FOXN3: variants seen among roughly 807,000 people sequenced by gnomAD.
The protein encoded by FOXN3 is forkhead box protein N3.
Under a neutral mutation model 38.4 loss-of-function variants are expected in FOXN3, and 7 were observed. The ratio of observed to expected loss-of-function variants is 0.18; its 90% CI spans 0.10 to 0.34. FOXN3 has a LOEUF of 0.34. Ranked by LOEUF, FOXN3 falls within the 10% of genes least tolerant of loss-of-function variation. The probability of loss-of-function intolerance (pLI) is 1.00; values close to 1 mark genes in which losing one functional copy is unlikely to be tolerated. For missense variants in FOXN3, 456 were observed against 613.4 expected, an observed-to-expected ratio of 0.74 and a Z score of 2.71; for synonymous variants, 230 against 242.2, an observed-to-expected ratio of 0.95 and a Z score of 0.47.
In FOXN3 at chr14:89,453,933, T is replaced by G. The variant is rs544534069; in HGVS notation, c.-14-41443A>C. 2.0e-5 allele frequency among the ~76,000 whole-genome samples: 3 copies of G among 152,302 alleles called. No individual in the cohort carries two copies. The South Asian group carries it at 6.2e-4, about 32-fold the overall frequency. Reference sequence around the variant, plus strand: ...ATGTGAGATGATTTGGAGGAGGGGCTTCTGGGAGATAATTAGGTTTATAAA... The same window carrying G: ...ATGTGAGATGATTTGGAGGAGGGGCGTCTGGGAGATAATTAGGTTTATAAA... On this transcript the variant is annotated intron_variant, in intron 1 of 6. Coordinates refer to the FOXN3 transcript ENST00000345097.
At chr14:89,358,163 T>C (rs891399162) in intron 2 of FOXN3, among the ~76,000 whole-genome samples, 1 of 152,236 alleles carries the variant, frequency 6.6e-6, no homozygotes, top group Non-Finnish European at 1.5e-5. Flanking sequence ...TCTGCCATCA[T>C]AGCACAAAAG....
chr14:89,298,204 T>A (rs1258615053), intron 3 of FOXN3, among the ~76,000 whole-genome samples: 1 of 152,128 alleles, frequency 6.6e-6, no homozygotes, highest in East Asian at 1.9e-4. Flanking sequence ...AAACACTGTA[T>A]GACTCCACTT....
chr14:89,434,364 A>G (rs1892230808), intron 1 of FOXN3, among the ~76,000 whole-genome samples: 1 of 151,340 alleles, frequency 6.6e-6, no homozygotes, highest in Non-Finnish European at 1.5e-5. Flanking sequence ...AGTAGCTGGG[A>G]TTACAGGTGC....
chr14:89,403,934 CA>C (rs1344157310), intron 2 of FOXN3, among the ~76,000 whole-genome samples: 1 of 152,166 alleles, frequency 6.6e-6, no homozygotes, highest in East Asian at 1.9e-4. Flanking sequence ...AAAGGGCATA[CA>C]GCAGTGGAGT....
intron 4 of FOXN3, among the ~76,000 whole-genome samples, chr14:89,252,370 A>T (rs1409393515): frequency 1.3e-5 from 2 of 152,136 alleles, no homozygotes; most frequent in African/African-American, 4.8e-5. Flanking sequence ...AAATCAGGAA[A>T]TTGGCTGGGT....
intron 1 of FOXN3, among the ~76,000 whole-genome samples, chr14:89,561,664 G>T (rs937865762): frequency 2.0e-5 from 3 of 152,214 alleles, no homozygotes; most frequent in African/African-American, 7.2e-5. Flanking sequence ...TTTACCTTTA[G>T]GTTGGTGTGA....
intron 4 of FOXN3, among the ~76,000 whole-genome samples, chr14:89,187,772 G>C (rs1887845588): frequency 6.6e-6 from 1 of 152,118 alleles, no homozygotes; most frequent in African/African-American, 2.4e-5. Context: ...GGGAGGATGG[G>C]CCAGCTGGCT....
intron 1 of FOXN3, among the ~76,000 whole-genome samples, chr14:89,492,020 C>A (rs8017328): frequency 0.076 from 11,581 of 152,140 alleles, 1,346 homozygotes; most frequent in African/African-American, 0.25. Flanking sequence ...TGATGAAAAA[C>A]ATACACAAAC....
At chr14:89,565,160 G>A (rs1473018269) in intron 1 of FOXN3, among the ~76,000 whole-genome samples, 1 of 150,304 alleles carries the variant, frequency 6.7e-6, no homozygotes, top group Non-Finnish European at 1.5e-5. Flanking sequence ...AGAACACCCC[G>A]TGATGATGGA....
intron 4 of FOXN3, among the ~76,000 whole-genome samples, chr14:89,197,503 CA>C (rs5810450): frequency 9.2e-4 from 133 of 143,896 alleles, no homozygotes; most frequent in Non-Finnish European, 1.1e-3. Context: ...AAGACTGTGT[CA>C]AAAAAAAAAA....
intron 1 of FOXN3, among the ~76,000 whole-genome samples, chr14:89,506,064 G>A (rs1161012357): frequency 6.9e-6 from 1 of 143,972 alleles, no homozygotes; most frequent in African/African-American, 2.6e-5. Flanking sequence ...CCGTCCAGAA[G>A]GGAGGTGGGG....
chr14:89,358,346 G>T (rs1323281881), intron 2 of FOXN3, among the ~76,000 whole-genome samples: 1 of 152,206 alleles, frequency 6.6e-6, no homozygotes, highest in Non-Finnish European at 1.5e-5. Flanking sequence ...GAGTTTTCAG[G>T]GTTAAGGGAT....
chr14:89,186,392 A>G (rs1887809143), intron 4 of FOXN3, among the ~76,000 whole-genome samples: 1 of 152,114 alleles, frequency 6.6e-6, no homozygotes, highest in African/African-American at 2.4e-5. Context: ...AAGCCTTTGA[A>G]GATGAGTAAT....
At chr14:89,356,240 T>A (rs1204739912) in intron 2 of FOXN3, 1 of 151,324 alleles carries the variant, frequency 6.6e-6, no homozygotes, top group East Asian at 1.9e-4. Context: ...TCTACAAAAA[T>A]ACAAAAATTA....
chr14:89,174,109 T>C (rs1212026245), intron 5 of FOXN3, among the ~76,000 whole-genome samples: 2 of 152,184 alleles, frequency 1.3e-5, no homozygotes, highest in African/African-American at 2.4e-5. Flanking sequence ...TAATACAAGT[T>C]GCATAAAATA....
intron 1 of FOXN3, among the ~76,000 whole-genome samples, chr14:89,483,571 G>C (rs933937647): frequency 6.6e-6 from 1 of 152,150 alleles, no homozygotes; most frequent in Non-Finnish European, 1.5e-5. Flanking sequence ...ATCACACCCA[G>C]CTAATTTTTG....
chr14:89,440,969 G>C (rs1281257518), intron 1 of FOXN3, among the ~76,000 whole-genome samples: 1 of 152,188 alleles, frequency 6.6e-6, no homozygotes, highest in Admixed American at 6.5e-5. Context: ...GTGGGTTCAC[G>C]TGTCCAAGCC....
At chr14:89,443,338 A>G (rs1892425868) in intron 1 of FOXN3, among the ~76,000 whole-genome samples, 1 of 152,212 alleles carries the variant, frequency 6.6e-6, no homozygotes, top group African/African-American at 2.4e-5. Flanking sequence ...TGTACTGTGC[A>G]TATTGTTTTC....
At chr14:89,512,845 T>C (rs1159681173) in intron 1 of FOXN3, among the ~76,000 whole-genome samples, 2 of 152,064 alleles carry the variant, frequency 1.3e-5, no homozygotes, top group African/African-American at 4.8e-5. Flanking sequence ...GAGTGAAATA[T>C]AAGAAAGAAA....
Sources: gnomAD v4.1 joint callset for allele counts (sites outside exome capture counted in the v4.1 genomes callset) on GRCh38, gnomAD v4.1.1 for gene constraint, MANE v1.5 for transcripts, NCBI Gene and HGNC (gene_info 2026-07-23, HGNC 2026-07-21) for gene names.